The following CHST8 variants were observed in gnomAD, a reference collection of about 807,000 sequenced individuals.
The protein encoded by CHST8 is carbohydrate sulfotransferase 8.
Under a neutral mutation model 15.0 loss-of-function variants are expected in CHST8, and 10 were observed. That is an observed-to-expected ratio of 0.67 (90% confidence interval 0.41 to 1.13). CHST8 has a LOEUF of 1.13. Among genes scored for constraint, CHST8 ranks in the 50% most tolerant of loss-of-function variants. The pLI is 0.00. For missense variants in CHST8, 634 were observed against 608.2 expected, an observed-to-expected ratio of 1.04 and a Z score of -0.45; for synonymous variants, 259 against 256.6, an observed-to-expected ratio of 1.01 and a Z score of -0.09.
intron 3 of CHST8, among the ~76,000 whole-genome samples, chr19:33,694,885 A>C (rs1041130733): frequency 6.6e-6 from 1 of 151,814 alleles, no homozygotes; most frequent in Non-Finnish European, 1.5e-5. Flanking sequence ...CTAGCTTTAC[A>C]TGTTCTAATG....
At chr19:33,654,276 A>G (rs1180285022) in intron 1 of CHST8, among the ~76,000 whole-genome samples, 1 of 152,192 alleles carries the variant, frequency 6.6e-6, no homozygotes. Flanking sequence ...TTTAAAATAT[A>G]AATGTTAGCA....
chr19:33,651,338 A>G lies in CHST8; in HGVS notation c.-163-16429A>G, dbSNP rs114966543. Among the ~76,000 whole-genome samples, 1,088 of 151,800 alleles carry G rather than the reference A, an allele frequency of 7.2e-3. 17 individuals are homozygous for G. The highest frequency in any genetic ancestry group is 0.025 in the African/African-American group (1,027 of 41,282). On this transcript the variant is annotated intron_variant, in intron 1 of 4. Transcript: ENST00000650847. ...TGACTTTAATATTTCACCATTAATC[A>G]TGATTGTATCTATGGGATGAGATCT... is the stretch of plus-strand genomic sequence containing the variant.
chr19:33,647,826 A>T (rs188128926), intron 1 of CHST8, among the ~76,000 whole-genome samples: 1 of 152,076 alleles, frequency 6.6e-6, no homozygotes, highest in African/African-American at 2.4e-5. Context: ...AGCCTGGGCA[A>T]CAGAGTGATG....
chr19:33,706,890 T>C (rs1282128283), intron 3 of CHST8, among the ~76,000 whole-genome samples: 3 of 152,192 alleles, frequency 2.0e-5, no homozygotes, highest in Non-Finnish European at 4.4e-5. Flanking sequence ...CAGGCCATGA[T>C]TGTGGGAGGA....
rs1161401300 is a variant in CHST8, at chr19:33,673,364, A to G, written c.-87+5521A>G. ...CTGCAGTGACTTGCCTGGCAGGATC[A>G]ATTCCAGACATGAGGTGAACCAGAC... On this transcript the variant is annotated intron_variant, in intron 2 of 4. Transcript: ENST00000650847. Among the ~76,000 whole-genome samples, 3 of 152,370 alleles carry G rather than the reference A, an allele frequency of 2.0e-5. No homozygotes were observed. The East Asian group carries it at 5.8e-4, about 29-fold the overall frequency.
rs763278233 is a variant in CHST8, at chr19:33,689,271, C to A, written c.10C>A (p.Arg4=). 2.5e-6 allele frequency: 4 copies of A among 1,592,490 alleles called. No individual in the cohort carries two copies. The East Asian group carries it at 6.9e-5, about 27-fold the overall frequency. MTL[R]PGTMRLACMF... ...CCTGAGCCAGCCCCGGATGACCCTG[C>A]GACCTGGAACAATGCGGCTGGCCTG... Residue 4 remains arginine, a synonymous_variant, in exon 3 of 5, where the codon CGA becomes AGA. Transcript: ENST00000650847.
chr19:33,736,756 C>T (rs1475352792), intron 3 of CHST8, among the ~76,000 whole-genome samples: 2 of 152,176 alleles, frequency 1.3e-5, no homozygotes, highest in Admixed American at 6.5e-5. Context: ...ATACTGCAGA[C>T]GTTGGGAGTC....
intron 3 of CHST8, among the ~76,000 whole-genome samples, chr19:33,766,395 G>A (rs143651638): frequency 6.8e-4 from 103 of 152,020 alleles, no homozygotes; most frequent in African/African-American, 2.1e-3. Context: ...CCCCCAACCC[G>A]CCCACCTTCT....
intron 3 of CHST8, among the ~76,000 whole-genome samples, chr19:33,740,766 G>T (rs1389054816): frequency 6.6e-6 from 1 of 152,170 alleles, no homozygotes; most frequent in Non-Finnish European, 1.5e-5. Flanking sequence ...GGCATCATAT[G>T]GGACAGTGCA....
intron 3 of CHST8, among the ~76,000 whole-genome samples, chr19:33,698,772 C>T (rs1032372176): frequency 1.3e-5 from 2 of 152,106 alleles, no homozygotes; most frequent in African/African-American, 4.8e-5. Flanking sequence ...GTAGCTCCTC[C>T]ACCGAGGGGT....
chr19:33,659,059 CTTTT>C, intron 1 of CHST8, among the ~76,000 whole-genome samples: 1 of 78,842 alleles, frequency 1.3e-5, no homozygotes, highest in African/African-American at 5.3e-5. Flanking sequence ...TAGGTAATGA[CTTTT>C]TTTTTTTTTT....
At chr19:33,737,851 G>A (rs763221521) in intron 3 of CHST8, among the ~76,000 whole-genome samples, 37 of 151,976 alleles carry the variant, frequency 2.4e-4, no homozygotes, top group Non-Finnish European at 5.4e-4. Flanking sequence ...TGATAGCCAC[G>A]TACCTGGCCC....
intron 3 of CHST8, among the ~76,000 whole-genome samples, chr19:33,747,076 T>C (rs868351258): frequency 5.3e-4 from 81 of 152,082 alleles, no homozygotes; most frequent in African/African-American, 1.8e-3. Context: ...TAATTTCAGG[T>C]TGGGGAGAGC....
chr19:33,629,790 G>C (rs1206072494), intron 1 of CHST8, among the ~76,000 whole-genome samples: 1 of 152,252 alleles, frequency 6.6e-6, no homozygotes, highest in African/African-American at 2.4e-5. Context: ...GAGGATGCTA[G>C]GAGCTGCACA....
At chr19:33,669,048 G>A (rs911774515) in intron 2 of CHST8, among the ~76,000 whole-genome samples, 14 of 152,172 alleles carry the variant, frequency 9.2e-5, no homozygotes, top group African/African-American at 3.4e-4. Flanking sequence ...CTAATGTTAT[G>A]AGAGGGAAAT....
rs542070256 is a variant in CHST8 at position 33,682,145 on chromosome 19, C to T, written c.-86-7031C>T. On this transcript the variant is annotated intron_variant, in intron 2 of 4. Transcript: ENST00000650847. ...TGCTGGGATTATAGGCGTGAGCCAC[C>T]GTGCCTGGTGTGTGTGTGTGTGTGT... is the stretch of plus-strand genomic sequence containing the variant. 3.1e-4 allele frequency among the ~76,000 whole-genome samples: 46 copies of T among 149,274 alleles called. No homozygotes were observed. The East Asian group carries it at 5.5e-3, about 18-fold the overall frequency.
At chr19:33,702,507 A>C (rs1404161638) in intron 3 of CHST8, among the ~76,000 whole-genome samples, 1 of 152,250 alleles carries the variant, frequency 6.6e-6, no homozygotes, top group East Asian at 1.9e-4. Flanking sequence ...TGGTTGAATT[A>C]ATAAAACCTA....
chr19:33,749,859 C>T (rs1296798886), intron 3 of CHST8, among the ~76,000 whole-genome samples: 2 of 152,220 alleles, frequency 1.3e-5, no homozygotes, highest in African/African-American at 2.4e-5. Flanking sequence ...AGCTGGCGCA[C>T]CAAGCACCCA....
intron 3 of CHST8, among the ~76,000 whole-genome samples, chr19:33,689,783 G>A (rs1284392521): frequency 6.6e-6 from 1 of 152,216 alleles, no homozygotes; most frequent in Non-Finnish European, 1.5e-5. Context: ...GCAAGACTCA[G>A]TTTCCCTGCC....
Sources: allele counts gnomAD v4.1 joint callset (sites outside exome capture counted in the v4.1 genomes callset), GRCh38; gene constraint gnomAD v4.1.1; transcripts MANE v1.5; gene names NCBI Gene and HGNC (gene_info 2026-07-23, HGNC 2026-07-21).